The following LMNA variants were observed in gnomAD, a reference collection of about 807,000 sequenced individuals.
The protein encoded by LMNA is lamin.
LMNA carries 20 observed loss-of-function variants against 70.4 expected under a neutral mutation model. That is an observed-to-expected ratio of 0.28 (90% CI 0.20 to 0.41). LMNA has a LOEUF of 0.41. Ranked by LOEUF, LMNA falls within the 10% of genes least tolerant of loss-of-function variation. The pLI, the probability that LMNA is intolerant of heterozygous loss-of-function variation, is 1.00. For synonymous variants in LMNA, 339 were observed against 372.8 expected (o/e 0.91, Z 1.04); for missense variants, 652 against 917.2 (o/e 0.71, Z 3.73).
chr1:156,095,896 A>G (rs1648921062), intron 3 of LMNA, among the ~76,000 whole-genome samples: 1 of 152,194 alleles, frequency 6.6e-6, no homozygotes, highest in Admixed American at 6.5e-5. Flanking sequence ...TGTCTCTCCC[A>G]GGCAGCCTTC....
At chr1:156,113,556 G>C (rs1649620150), upstream of LMNA, among the ~76,000 whole-genome samples, 1 of 152,166 alleles carries the variant, frequency 6.6e-6, no homozygotes. Context: ...GGAAAGTAGA[G>C]ATGAGTATGG....
At chr1:156,090,516 T>A (rs1035583067) in exon 3 of LMNA, 1 of 152,160 alleles carries the variant, frequency 6.6e-6, no homozygotes, top group African/African-American at 2.4e-5. Flanking sequence ...GGACTTGGTG[T>A]CTCTGCTTCA....
intron 3 of LMNA, among the ~76,000 whole-genome samples, chr1:156,094,655 G>C (rs530096414): frequency 6.6e-6 from 1 of 151,962 alleles, no homozygotes; most frequent in Non-Finnish European, 1.5e-5. Context: ...GGCCAAGGAG[G>C]AGTTGTGTCT....
chr1:156,116,001 C>G (rs1033006873), intron 1 of LMNA, among the ~76,000 whole-genome samples: 3 of 152,200 alleles, frequency 2.0e-5, no homozygotes, highest in Admixed American at 6.5e-5. Context: ...CCCGCAGCTC[C>G]CACAGCCCTT....
In LMNA at chr1:156,138,658, T is replaced by C; in HGVS notation, c.1869T>C (p.Thr623=). The change falls in exon 11 of 12, where the codon ACT becomes ACC. Residue 623 remains threonine (T), a synonymous_variant. Coordinates refer to ENST00000368300, the MANE Select transcript of LMNA (RefSeq NM_170707.4). The surrounding 1 kb of genome is among the most constrained non-coding windows in gnomAD (Gnocchi z 5.5). ...CTTCTGCCTCCAGTGTCACGGTCAC[T>C]CGCAGCTACCGCAGTGTGGGGGGCA... The part of the protein sequence containing the change: ...SGSSASSVTV[T]RSYRSVGGSG... The C allele has an allele frequency of 6.2e-7, 1 of 1,613,490 alleles. No homozygotes were observed. Among genetic ancestry groups the C allele is most frequent in the East Asian group, 2.2e-5 (1 of 44,892 alleles).
Position 156,114,960 on chromosome 1 carries a change from G to A in LMNA, c.42G>A (p.Ala14=), listed in dbSNP as rs777460187. The A allele has an allele frequency of 5.7e-6, 9 of 1,582,646 alleles. No individual in the cohort carries two copies. Among genetic ancestry groups the A allele is most frequent in the Non-Finnish European group, 8.6e-7 (1 of 1,164,888 alleles). ...PSQRRATRSG[A]QASSTPLSPT... ...AGCGGCGCGCCACCCGCAGCGGGGC[G>A]CAGGCCAGCTCCACTCCGCTGTCGC... is the stretch of plus-strand genomic sequence containing the variant. The change falls in exon 1 of 12, where the codon GCG becomes GCA. Residue 14 remains alanine (A), a synonymous_variant. Coordinates refer to ENST00000368300, the MANE Select transcript of LMNA (RefSeq NM_170707.4).
chr1:156,123,567 G>T (rs535700073), intron 1 of LMNA, among the ~76,000 whole-genome samples: 2 of 151,496 alleles, frequency 1.3e-5, no homozygotes, highest in Admixed American at 6.6e-5. Flanking sequence ...CCTCCCTCCC[G>T]CCCCCTTCAG....
At chr1:156,123,806 G>A (rs1264224634) in intron 1 of LMNA, among the ~76,000 whole-genome samples, 1 of 152,194 alleles carries the variant, frequency 6.6e-6, no homozygotes, top group Non-Finnish European at 1.5e-5. Context: ...TCCGGCCTCA[G>A]GCTTCTCCTG....
chr1:156,109,184 A>G (rs1649449283), intron 3 of LMNA, among the ~76,000 whole-genome samples: 1 of 152,220 alleles, frequency 6.6e-6, no homozygotes, highest in Non-Finnish European at 1.5e-5. Flanking sequence ...AATATTCCCT[A>G]CACGAATGGT....
chr1:156,103,249 G>A lies in LMNA; in HGVS notation c.-206-11464G>A, dbSNP rs1649201183. Among the ~76,000 whole-genome samples, 1 of 152,092 alleles carries A rather than the reference G, an allele frequency of 6.6e-6. No individual in the cohort carries two copies. The highest frequency in any genetic ancestry group is 1.5e-5 in the Non-Finnish European group (1 of 68,000). On this transcript the variant is annotated intron_variant, in intron 3 of 12. Coordinates refer to the LMNA transcript ENST00000368301. This position sits in a 1 kb window ranked among gnomAD's most constrained non-coding sequence, Gnocchi z 4.7. ...TGTGTCCTGCCTACCAGTCCTTCCCGCCCATCTCTGCATCCCAGTTTCCAG... is the reference window on the plus strand; with the variant it reads ...TGTGTCCTGCCTACCAGTCCTTCCCACCCATCTCTGCATCCCAGTTTCCAG...
chr1:156,109,587 C>T (rs1649462562), upstream of LMNA: 1 of 152,252 alleles, frequency 6.6e-6, no homozygotes, highest in African/African-American at 2.4e-5. Flanking sequence ...ACCAGACTGC[C>T]TGGTCCCAGT....
chr1:156,097,426 C>T (rs1320616182), intron 3 of LMNA, among the ~76,000 whole-genome samples: 1 of 152,234 alleles, frequency 6.6e-6, no homozygotes, highest in Non-Finnish European at 1.5e-5. Flanking sequence ...AGAACTGAGC[C>T]CCAATAAGGG....
chr1:156,104,409 C>A lies in LMNA; in HGVS notation c.-206-10304C>A, dbSNP rs191006264. Among the ~76,000 whole-genome samples the A allele has an allele frequency of 3.7e-4, 57 of 152,250 alleles. No homozygotes were observed. The East Asian group carries it at 9.5e-3, about 25-fold the overall frequency. ...GCACTGGCGTCAGCCGAGGTAGTTG[C>A]CCCCTCCTCAATTTATGAGTCTCCC... On this transcript the variant is annotated intron_variant, in intron 3 of 12. Coordinates refer to the LMNA transcript ENST00000368301.
upstream of LMNA, among the ~76,000 whole-genome samples, chr1:156,113,240 A>G (rs1649605228): frequency 6.6e-6 from 1 of 151,858 alleles, no homozygotes; most frequent in South Asian, 2.1e-4. Flanking sequence ...GGAGGTGGAG[A>G]TTGCAATGAG....
rs80356813 is a variant in LMNA at position 156,138,550 on chromosome 1, G to A, written c.1761G>A (p.Leu587=). The change falls in exon 11 of 12, where the codon CTG becomes CTA. Residue 587 remains leucine, a synonymous_variant. Transcript: ENST00000368300. This position sits in a 1 kb window ranked among gnomAD's most constrained non-coding sequence, Gnocchi z 5.5. ...ACAACCTGCGCTCGCGCACCGTGCT[G>A]TGCGGGACCTGCGGGCAGCCTGCCG... is the stretch of plus-strand genomic sequence containing the variant. The part of the protein sequence containing the change: ...AEYNLRSRTV[L]CGTCGQPADK... The A allele has an allele frequency of 1.9e-3, 3,042 of 1,612,680 alleles. 6 individuals carry two copies. The highest frequency in any genetic ancestry group is 2.1e-3 in the Non-Finnish European group (2,505 of 1,179,806).
At position 156,139,588 on chromosome 1, in the gene LMNA, G is replaced by GGA. The variant is rs748490381; in HGVS notation, c.*498_*499dup. ...TCACTGCCAGGCCAGCCTCCGAGAG[G>GGA]GAGAGAGAGAGAGAGAGGACAGCTT... On this transcript the variant is annotated 3_prime_UTR_variant, in exon 12 of 12. Coordinates refer to ENST00000368300, the MANE Select transcript of LMNA (RefSeq NM_170707.4). 19,084 of 1,343,248 alleles carry GGA rather than the reference G, an allele frequency of 0.014. 67 individuals are homozygous for GGA. The highest frequency in any genetic ancestry group is 0.016 in the Non-Finnish European group (16,343 of 1,038,968). 83.2% of individuals were successfully genotyped at this position (1,343,248 alleles called of 1,614,324 possible). A position where few individuals can be genotyped will look rare whatever the true frequency, so the allele number is the denominator to read the frequency against.
intron 3 of LMNA, among the ~76,000 whole-genome samples, chr1:156,107,805 T>C (rs1000414053): frequency 1.3e-5 from 2 of 151,814 alleles, no homozygotes; most frequent in Admixed American, 1.3e-4. Context: ...GTTTTTTTTT[T>C]CTTTTTTTTC....
At position 156,138,562 on chromosome 1, in the gene LMNA, C is replaced by CG; in HGVS notation, c.1776dup (p.Gln593AlafsTer111). 1 of 1,612,586 alleles carries CG rather than the reference C, an allele frequency of 6.2e-7. No individual in the cohort carries two copies. The highest frequency in any genetic ancestry group is 8.5e-7 in the Non-Finnish European group (1 of 1,179,774). On this transcript the variant is annotated frameshift_variant, in exon 11 of 12. Coordinates refer to ENST00000368300, the MANE Select transcript of LMNA (RefSeq NM_170707.4). LOFTEE classifies it high-confidence loss of function. This position sits in a 1 kb window ranked among gnomAD's most constrained non-coding sequence, Gnocchi z 5.5. ...CGCGCACCGTGCTGTGCGGGACCTG[C>CG]GGGCAGCCTGCCGACAAGGCATCTG... is the stretch of plus-strand genomic sequence containing the variant.
chr1:156,125,118 G>A (rs1208218593), intron 1 of LMNA, among the ~76,000 whole-genome samples: 5 of 152,188 alleles, frequency 3.3e-5, no homozygotes, highest in East Asian at 1.9e-4. Context: ...CCTGTGAACC[G>A]TCTAGTCTCC....
Sources: gnomAD v4.1 joint callset for allele counts (sites outside exome capture counted in the v4.1 genomes callset) on GRCh38, gnomAD v4.1.1 for gene constraint, Gnocchi (gnomAD v3.1) non-coding constraint, MANE v1.5 for transcripts, NCBI Gene and HGNC (gene_info 2026-07-23, HGNC 2026-07-21) for gene names.